ABCA9: variants seen among roughly 807,000 people sequenced by gnomAD.
ABCA9 encodes ATP-binding cassette sub-family A member 9.
A neutral mutation model predicts 205.3 loss-of-function variants in ABCA9; 183 were observed. The observed-to-expected ratio is 0.89, with a 90% CI of 0.79 to 1.01. The LOEUF is 1.01. Ranked by LOEUF, ABCA9 falls within the 50% of genes least tolerant of loss-of-function variation. ABCA9 has a pLI of 0.00. For missense variants in ABCA9, 1,805 were observed against 1,912.4 expected, an observed-to-expected ratio of 0.94 and a Z score of 1.05; for synonymous variants, 651 against 683.3, an observed-to-expected ratio of 0.95 and a Z score of 0.74.
chr17:69,016,029 G>C (rs1192952415), intron 22 of ABCA9, among the ~76,000 whole-genome samples: 3 of 150,594 alleles, frequency 2.0e-5, no homozygotes, highest in Admixed American at 6.6e-5. Context: ...TAAATTGTGT[G>C]TGTGTATGTA....
intron 8 of ABCA9, chr17:69,034,498 G>A (rs559627423): frequency 6.6e-6 from 1 of 152,288 alleles, no homozygotes; most frequent in East Asian, 1.9e-4. Context: ...ATGATTTACA[G>A]GTGTGAGTCA....
intron 3 of ABCA9, 90 bp from the exon 4 acceptor site, chr17:69,045,426 G>A (rs1034056983): frequency 5.6e-6 from 6 of 1,066,012 alleles, no homozygotes; most frequent in Non-Finnish European, 7.2e-6. Flanking sequence ...TTATGTTAAA[G>A]CTATTCCTTC....
At position 69,052,588 on chromosome 17, in the gene ABCA9, C is replaced by T. The variant is rs540197814; in HGVS notation, c.-13-1449G>A. The stretch of plus-strand genomic sequence containing the variant: ...GAGAAAAAAAAGTCCACACCTGTTT[C>T]TCTGTATAAAACACTTCTGATAACA... On this transcript the variant is annotated intron_variant, in intron 1 of 38. Transcript: ENST00000340001. Among the ~76,000 whole-genome samples the T allele has an allele frequency of 7.0e-4, 106 of 152,272 alleles. 2 individuals are homozygous for T. Among genetic ancestry groups the T allele is most frequent in the Admixed American group, 3.7e-3 (57 of 15,296 alleles).
intron 37 of ABCA9, among the ~76,000 whole-genome samples, chr17:68,977,544 G>A (rs2068924249): frequency 6.6e-6 from 1 of 152,186 alleles, no homozygotes; most frequent in Non-Finnish European, 1.5e-5. Flanking sequence ...TAAGCTATAG[G>A]TCTTCAAATT....
chr17:69,019,505 C>T (rs2070744234), intron 19 of ABCA9, among the ~76,000 whole-genome samples: 2 of 152,236 alleles, frequency 1.3e-5, no homozygotes, highest in African/African-American at 4.8e-5. Context: ...CAAAATCTCC[C>T]TGAGCTTTCT....
At chr17:69,027,841 C>A (rs1245165433) in intron 12 of ABCA9, 26 bp from the exon 13 acceptor site, 1 of 1,542,638 alleles carries the variant, frequency 6.5e-7, no homozygotes, top group South Asian at 1.2e-5. Flanking sequence ...AGAGAGTGAC[C>A]ATCAGGAAAA....
rs148120108 is a variant in ABCA9, at chr17:68,984,917, G to A, written c.4347C>T (p.Thr1449=). 1.1e-3 allele frequency: 1,752 copies of A among 1,614,112 alleles called. 9 individuals carry two copies. The highest frequency in any genetic ancestry group is 2.3e-3 in the Middle Eastern group (14 of 6,062). The change falls in exon 34 of 39, where the codon ACC becomes ACT. Residue 1449 remains threonine, a synonymous_variant. Coordinates refer to ENST00000340001, the MANE Select transcript of ABCA9 (RefSeq NM_080283.4). ...PSVVLLDEPS[T]GMDPEGQQQM... ...GCTGCTGCCCCTCGGGGTCCATCCC[G>A]GTCGACGGCTCATCCAGAAGCACCA...
At chr17:69,071,334 C>T in the ABCA9 span, among the ~76,000 whole-genome samples, 23 of 152,268 alleles carry the variant, frequency 1.5e-4, no homozygotes, top group Admixed American at 1.5e-3. Flanking sequence ...ACAGCTCATA[C>T]AGAAGAGCTT....
Position 69,035,662 on chromosome 17 carries a change from A to C in ABCA9, c.940T>G (p.Leu314Val). Residue 314 changes from leucine (L) to valine (V), a missense_variant and splice_region_variant, in exon 7 of 39, where the codon TTG becomes GTG. Leu to Val is a conservative substitution (Grantham distance 32). Transcript: ENST00000340001. ...TTAGATGAAATTAACCAACTCACCAAAGACAGGCCATAGAGGAGAAAGAGG... is the reference window on the plus strand; with the variant it reads ...TTAGATGAAATTAACCAACTCACCACAGACAGGCCATAGAGGAGAAAGAGG... Reference protein sequence around the residue: ...FTLFLLYGLSLITLAFLMSVL... With the variant: ...FTLFLLYGLSVITLAFLMSVL... The C allele has an allele frequency of 6.2e-7, 1 of 1,613,370 alleles. No individual in the cohort carries two copies. Among genetic ancestry groups the C allele is most frequent in the African/African-American group, 1.3e-5 (1 of 74,998 alleles).
intron 19 of ABCA9, among the ~76,000 whole-genome samples, 186 bp downstream of exon 19, chr17:69,020,202 G>A (rs115776954): frequency 1.3e-5 from 2 of 152,106 alleles, no homozygotes; most frequent in Admixed American, 6.5e-5. Context: ...ATCCCAACCC[G>A]TATCTGTTTT....
At chr17:68,999,442 C>A (rs1415413372) in intron 25 of ABCA9, among the ~76,000 whole-genome samples, 1 of 142,156 alleles carries the variant, frequency 7.0e-6, no homozygotes, top group Non-Finnish European at 1.5e-5. Flanking sequence ...CATGTCCCTA[C>A]AAAGGACATG....
chr17:68,980,485 C>T (rs984057163), intron 37 of ABCA9, among the ~76,000 whole-genome samples: 55 of 151,944 alleles, frequency 3.6e-4, no homozygotes, highest in African/African-American at 1.3e-3. Flanking sequence ...CACATGCACA[C>T]GTATGTTTAT....
At chr17:69,053,005 C>G (rs929402352) in intron 1 of ABCA9, among the ~76,000 whole-genome samples, 4 of 152,184 alleles carry the variant, frequency 2.6e-5, no homozygotes, top group African/African-American at 9.7e-5. Flanking sequence ...CTTCCATTAA[C>G]TCTCTGGGTG....
In ABCA9 at chr17:69,018,551, G is replaced by GTTT; in HGVS notation, c.2628_2629insAAA (p.Ile876_Pro877insLys). The stretch of plus-strand genomic sequence containing the variant: ...TAGAATAGATGTTCCAAAAGTTGAG[G>GTTT]GATAAAGCTAATACCAAAAAGCAAT... On this transcript the variant is annotated inframe_insertion, in exon 20 of 39. Coordinates refer to ENST00000340001, the MANE Select transcript of ABCA9 (RefSeq NM_080283.4). 6.3e-7 allele frequency: 1 copy of GTTT among 1,597,256 alleles called. No homozygotes were observed. Among genetic ancestry groups the GTTT allele is most frequent in the Non-Finnish European group, 8.5e-7 (1 of 1,174,456 alleles).
intron 2 of ABCA9, among the ~76,000 whole-genome samples, chr17:69,050,183 A>G (rs558778703): frequency 8.5e-5 from 13 of 152,230 alleles, no homozygotes; most frequent in African/African-American, 3.1e-4. Flanking sequence ...TATATAAAAA[A>G]GAGCTAAAAG....
At chr17:69,013,768 C>T (rs72851731) in intron 22 of ABCA9, among the ~76,000 whole-genome samples, 6,108 of 152,012 alleles carry the variant, frequency 0.04, 261 homozygotes, top group African/African-American at 0.1. Flanking sequence ...TAGGACACTC[C>T]GATAGATGAT....
At chr17:69,054,392 T>C (rs1229391683) in intron 1 of ABCA9, among the ~76,000 whole-genome samples, 3 of 151,882 alleles carry the variant, frequency 2.0e-5, no homozygotes, top group Non-Finnish European at 4.4e-5. Flanking sequence ...TGAGGCATGA[T>C]GGCTTATGCC....
chr17:68,981,496 G>A (rs781670699), intron 37 of ABCA9, among the ~76,000 whole-genome samples: 7 of 152,096 alleles, frequency 4.6e-5, no homozygotes, highest in Non-Finnish European at 7.4e-5. Context: ...CAGCCATTGG[G>A]GCATAATGGT....
the ABCA9 span, among the ~76,000 whole-genome samples, chr17:69,072,887 A>T: frequency 1.3e-5 from 2 of 152,242 alleles, no homozygotes; most frequent in Non-Finnish European, 2.9e-5. Flanking sequence ...GGCTGCTCAA[A>T]ATGAAGGGAT....
Sources: allele counts gnomAD v4.1 joint callset (sites outside exome capture counted in the v4.1 genomes callset), GRCh38; gene constraint gnomAD v4.1.1; transcripts MANE v1.5; gene names NCBI Gene and HGNC (gene_info 2026-07-23, HGNC 2026-07-21).